Variants in SLC24A2 observed in about 807,000 individuals in gnomAD.
SLC24A2 encodes the protein sodium/potassium/calcium exchanger 2.
A neutral mutation model predicts 62.0 loss-of-function variants in SLC24A2; 36 were observed. The ratio of observed to expected loss-of-function variants is 0.58; its 90% CI spans 0.44 to 0.77. The LOEUF is 0.77. SLC24A2 is among the 30% of genes least tolerant of loss of function. SLC24A2 has a pLI of 0.00. For synonymous variants in SLC24A2, 358 were observed against 294.0 expected (o/e 1.22, Z -2.23); for missense variants, 846 against 817.9 (o/e 1.03, Z -0.42).
the SLC24A2 span, among the ~76,000 whole-genome samples, chr9:20,267,800 C>G: frequency 6.6e-6 from 1 of 152,134 alleles, no homozygotes; most frequent in Admixed American, 6.5e-5. Context: ...TGTCAAGTAT[C>G]TATAAAGGGC....
At chr9:20,068,691 G>A in the SLC24A2 span, among the ~76,000 whole-genome samples, 10 of 152,202 alleles carry the variant, frequency 6.6e-5, no homozygotes, top group East Asian at 5.8e-4. Context: ...TGATGTCTCC[G>A]TGGAAGTGTC....
chr9:20,238,834 A>G, the SLC24A2 span, among the ~76,000 whole-genome samples: 1 of 152,254 alleles, frequency 6.6e-6, no homozygotes, highest in African/African-American at 2.4e-5. Context: ...AAATGATATT[A>G]TAAGGATGAG....
At chr9:19,595,627 G>A (rs1008458319) in intron 5 of SLC24A2, among the ~76,000 whole-genome samples, 8 of 152,100 alleles carry the variant, frequency 5.3e-5, no homozygotes, top group Admixed American at 2.6e-4. Flanking sequence ...TTGCATCTTC[G>A]TCTTATCTTA....
the SLC24A2 span, among the ~76,000 whole-genome samples, chr9:20,142,900 C>T: frequency 0.026 from 3,924 of 152,208 alleles, 59 homozygotes; most frequent in Middle Eastern, 0.061. Context: ...CCGGCCTTTC[C>T]ATGTCTTATA....
the SLC24A2 span, among the ~76,000 whole-genome samples, chr9:20,135,282 A>ATTTAATTTTTAATTACAATTTAAAAT: frequency 6.7e-4 from 98 of 146,956 alleles, 2 homozygotes; most frequent in African/African-American, 1.7e-3. Flanking sequence ...TATTTTTTAA[A>ATTTAATTTTTAATTACAATTTAAAAT]TTTAATTTTT....
chr9:19,820,276 G>T, the SLC24A2 span, among the ~76,000 whole-genome samples: 1 of 149,406 alleles, frequency 6.7e-6, no homozygotes, highest in African/African-American at 2.5e-5. Context: ...GGAGTTTGGG[G>T]GTTTGGGGGG....
chr9:20,191,511 G>A, the SLC24A2 span, among the ~76,000 whole-genome samples: 1 of 151,876 alleles, frequency 6.6e-6, no homozygotes, highest in East Asian at 1.9e-4. Flanking sequence ...AGTCCAGAAA[G>A]CATTCCGACA....
intron 9 of SLC24A2, among the ~76,000 whole-genome samples, chr9:19,526,844 T>C (rs1041959074): frequency 1.0e-3 from 134 of 132,464 alleles, no homozygotes; most frequent in African/African-American, 3.6e-3. Context: ...AGTTTTAATT[T>C]TGATGAAATT....
chr9:20,144,437 C>T, the SLC24A2 span, among the ~76,000 whole-genome samples: 2 of 152,194 alleles, frequency 1.3e-5, no homozygotes, highest in Non-Finnish European at 2.9e-5. Context: ...CGACCACTAG[C>T]CTGAAACCTT....
chr9:20,002,841 C>T, the SLC24A2 span, among the ~76,000 whole-genome samples: 1 of 152,202 alleles, frequency 6.6e-6, no homozygotes, highest in Non-Finnish European at 1.5e-5. Context: ...GGCTGTATTC[C>T]ACATAACAGG....
At chr9:20,075,386 T>A in the SLC24A2 span, among the ~76,000 whole-genome samples, 1 of 152,190 alleles carries the variant, frequency 6.6e-6, no homozygotes, top group African/African-American at 2.4e-5. Flanking sequence ...CCTAAGCTAG[T>A]TAGCAGCAAA....
At chr9:20,115,265 G>T in the SLC24A2 span, among the ~76,000 whole-genome samples, 36 of 152,092 alleles carry the variant, frequency 2.4e-4, no homozygotes, top group African/African-American at 8.2e-4. Context: ...TGCCCAGATT[G>T]GTAAAGGGAG....
the SLC24A2 span, among the ~76,000 whole-genome samples, chr9:19,830,503 C>A: frequency 3.9e-5 from 6 of 152,100 alleles, no homozygotes; most frequent in Non-Finnish European, 7.4e-5. Flanking sequence ...TAACTTATCC[C>A]AAATGACACA....
At chr9:20,039,498 G>T in the SLC24A2 span, among the ~76,000 whole-genome samples, 1 of 152,062 alleles carries the variant, frequency 6.6e-6, no homozygotes, top group Non-Finnish European at 1.5e-5. Context: ...TTATTCCCAT[G>T]GGTGACCCAA....
At chr9:20,210,387 G>T in the SLC24A2 span, among the ~76,000 whole-genome samples, 2 of 152,152 alleles carry the variant, frequency 1.3e-5, no homozygotes, top group Non-Finnish European at 2.9e-5. Flanking sequence ...GTGGTAGAAA[G>T]CAGTGACAAA....
At chr9:20,247,122 T>C in the SLC24A2 span, among the ~76,000 whole-genome samples, 1 of 152,208 alleles carries the variant, frequency 6.6e-6, no homozygotes, top group East Asian at 1.9e-4. Flanking sequence ...TCATGAAATC[T>C]TCACAGGTTT....
intron 4 of SLC24A2, 91 bp from the exon 5 acceptor site, chr9:19,597,370 A>C (rs1307313728): frequency 6.7e-6 from 6 of 897,818 alleles, no homozygotes; most frequent in South Asian, 1.3e-5. Flanking sequence ...TCAGATTCAG[A>C]GTTATACTGT....
chr9:20,075,269 T>C, the SLC24A2 span, among the ~76,000 whole-genome samples: 7 of 152,190 alleles, frequency 4.6e-5, no homozygotes, highest in African/African-American at 1.7e-4. Context: ...GTGCTTTACA[T>C]ATTTTATCTA....
At chr9:19,815,757 C>T in the SLC24A2 span, among the ~76,000 whole-genome samples, 1 of 151,994 alleles carries the variant, frequency 6.6e-6, no homozygotes, top group African/African-American at 2.4e-5. Context: ...CAGTTAGGCT[C>T]TTTTGTATCC....
Sources: allele counts gnomAD v4.1 joint callset (sites outside exome capture counted in the v4.1 genomes callset), GRCh38; gene constraint gnomAD v4.1.1; transcripts MANE v1.5; gene names NCBI Gene and HGNC (gene_info 2026-07-23, HGNC 2026-07-21).